The following ABCB7 variants were observed in gnomAD, a reference collection of about 807,000 sequenced individuals.
ABCB7 encodes ATP binding cassette subfamily B member 7, also known as iron-sulfur clusters transporter ABCB7, mitochondrial.
ABCB7 carries 7 observed loss-of-function variants against 54.4 expected under a neutral mutation model. The observed-to-expected ratio is 0.13, with a 90% CI of 0.07 to 0.24. ABCB7 has a LOEUF of 0.24. Ranked by LOEUF, ABCB7 falls within the 10% of genes least tolerant of loss-of-function variation. The pLI is 1.00. For synonymous variants in ABCB7, 218 were observed against 207.1 expected (o/e 1.05, Z -0.45); for missense variants, 356 against 570.4 (o/e 0.62, Z 3.83).
intron 4 of ABCB7, among the ~76,000 whole-genome samples, chrX:75,092,205 T>A (rs775865264): frequency 9.0e-6 from 1 of 111,156 alleles, no homozygotes; most frequent in East Asian, 2.8e-4. Context: ...CCTGACAGTA[T>A]GGTACTGGTC....
chrX:75,152,143 T>C (rs1602423559), intron 1 of ABCB7, among the ~76,000 whole-genome samples: 1 of 112,504 alleles, frequency 8.9e-6, no homozygotes, highest in East Asian at 2.8e-4. Flanking sequence ...AATTATTGTT[T>C]AATAATTTTA....
chrX:75,064,097 C>G (rs990942994), intron 13 of ABCB7, among the ~76,000 whole-genome samples: 30 of 111,691 alleles, frequency 2.7e-4, no homozygotes, highest in African/African-American at 9.1e-4. Flanking sequence ...GCATCTTATA[C>G]TACCAGGTAA....
At chrX:75,088,858 C>CACA (rs1228698459) in intron 4 of ABCB7, among the ~76,000 whole-genome samples, 3 of 99,247 alleles carry the variant, frequency 3.0e-5, no homozygotes, top group Admixed American at 1.1e-4. Context: ...AAAAAAAAAA[C>CACA]ACAACAACAA....
intron 8 of ABCB7, among the ~76,000 whole-genome samples, chrX:75,071,971 C>T (rs745551558): frequency 9.0e-6 from 1 of 111,276 alleles, no homozygotes; most frequent in East Asian, 2.8e-4. Flanking sequence ...CAAAGCCTTC[C>T]CCTGAGACTC....
intron 1 of ABCB7, among the ~76,000 whole-genome samples, chrX:75,120,519 G>A (rs1017253007): frequency 1.8e-5 from 2 of 110,773 alleles, no homozygotes; most frequent in East Asian, 5.7e-4. Flanking sequence ...TGAGGCAGGA[G>A]AATCACTTGA....
chrX:75,073,066 G>A (rs746657692), intron 8 of ABCB7, among the ~76,000 whole-genome samples: 2 of 109,419 alleles, frequency 1.8e-5, no homozygotes, highest in South Asian at 7.9e-4. Flanking sequence ...AGGTCTTCAG[G>A]GGCAATAACA....
intron 1 of ABCB7, among the ~76,000 whole-genome samples, chrX:75,117,133 T>C (rs971344066): frequency 1.8e-5 from 2 of 111,390 alleles, no homozygotes; most frequent in Non-Finnish European, 3.8e-5. Flanking sequence ...CTCTAAGGAC[T>C]TGCCCTGAAT....
chrX:75,101,871 T>C, intron 3 of ABCB7, among the ~76,000 whole-genome samples: 1 of 112,120 alleles, frequency 8.9e-6, no homozygotes, highest in Middle Eastern at 4.6e-3. Flanking sequence ...TAATAGTGCA[T>C]AAAATGTCAC....
chrX:75,053,292 A>AT lies in ABCB7; in HGVS notation c.*77dup, dbSNP rs984625910. The stretch of plus-strand genomic sequence containing the variant: ...GGATTATAGAAAATGGGAATGTATG[A>AT]TTTTTTTAATAAAACAATTCTGCTT... On this transcript the variant is annotated 3_prime_UTR_variant, in exon 16 of 16. Transcript: ENST00000373394. 159 of 1,138,978 alleles carry AT rather than the reference A, an allele frequency of 1.4e-4. No individual in the cohort carries two copies. Among genetic ancestry groups the AT allele is most frequent in the Non-Finnish European group, 1.8e-4 (150 of 841,385 alleles). 93.9% of individuals were successfully genotyped at this position (1,138,978 alleles called of 1,213,427 possible).
chrX:75,058,142 C>T (rs976566553), intron 15 of ABCB7, among the ~76,000 whole-genome samples: 36 of 111,411 alleles, frequency 3.2e-4, no homozygotes, highest in African/African-American at 1.1e-3. Context: ...ATGCTTATCG[C>T]CACTTTTCAT....
chrX:75,101,152 G>A (rs1383905221), intron 3 of ABCB7, among the ~76,000 whole-genome samples: 1 of 110,743 alleles, frequency 9.0e-6, no homozygotes, highest in African/African-American at 3.3e-5. Flanking sequence ...TTTTGTTGTT[G>A]TTGTTGGCTA....
intron 1 of ABCB7, among the ~76,000 whole-genome samples, chrX:75,146,787 A>C (rs2082093902): frequency 8.9e-6 from 1 of 112,117 alleles, no homozygotes; most frequent in African/African-American, 3.2e-5. Context: ...AAACAACAAA[A>C]GCAACTGCAA....
At chrX:75,053,821 C>T (rs2081214343) in intron 15 of ABCB7, among the ~76,000 whole-genome samples, 1 of 111,568 alleles carries the variant, frequency 9.0e-6, no homozygotes, top group South Asian at 3.7e-4. Flanking sequence ...ATACCATAAA[C>T]ACCATTTTAT....
At chrX:75,074,259 A>T (rs2081388731) in intron 6 of ABCB7, among the ~76,000 whole-genome samples, 1 of 111,614 alleles carries the variant, frequency 9.0e-6, no homozygotes, top group African/African-American at 3.2e-5. Context: ...TAAAAGGTGA[A>T]ATTGCTAATC....
chrX:75,079,394 G>A (rs2081437325), intron 4 of ABCB7, among the ~76,000 whole-genome samples: 1 of 112,093 alleles, frequency 8.9e-6, no homozygotes, highest in Non-Finnish European at 1.9e-5. Context: ...TTTGCTTTGT[G>A]ATATTTTGGG....
At chrX:75,059,522 G>A (rs2081266166) in intron 15 of ABCB7, among the ~76,000 whole-genome samples, 1 of 110,256 alleles carries the variant, frequency 9.1e-6, no homozygotes, top group Non-Finnish European at 1.9e-5. Context: ...TTTATTAGAA[G>A]GGAAAAATAA....
rs1403632797 is a variant in ABCB7, at chrX:75,151,178, A to G, written c.168+4927T>C. 2.7e-5 allele frequency among the ~76,000 whole-genome samples: 3 copies of G among 111,710 alleles called. No individual in the cohort carries two copies. In the Admixed American group the frequency reaches 2.8e-4, roughly 11 times the overall value. On this transcript the variant is annotated intron_variant, in intron 1 of 15. Transcript: ENST00000373394. Reference sequence around the variant, plus strand: ...ATGAAATTTTCTTCCTCTTCCTAATAATCTTAATAACTAGTTAAAACCAAT... The same window carrying G: ...ATGAAATTTTCTTCCTCTTCCTAATGATCTTAATAACTAGTTAAAACCAAT...
chrX:75,061,148 A>C (rs2081279690), intron 14 of ABCB7, among the ~76,000 whole-genome samples: 1 of 112,125 alleles, frequency 8.9e-6, no homozygotes, highest in African/African-American at 3.2e-5. Flanking sequence ...CAATACTAAG[A>C]AAGCCTGTTA....
At chrX:75,096,992 T>C (rs1419223631) in intron 4 of ABCB7, among the ~76,000 whole-genome samples, 1 of 111,659 alleles carries the variant, frequency 9.0e-6, no homozygotes. Flanking sequence ...GTGAAATAAA[T>C]GGTATCCCTA....
Sources: gnomAD v4.1 joint callset for allele counts (sites outside exome capture counted in the v4.1 genomes callset) on GRCh38, gnomAD v4.1.1 for gene constraint, MANE v1.5 for transcripts, NCBI Gene and HGNC (gene_info 2026-07-23, HGNC 2026-07-21) for gene names.